Variants in ABHD12 observed in about 807,000 individuals in gnomAD.
ABHD12 encodes abhydrolase domain containing 12, lysophospholipase.
A neutral mutation model predicts 58.3 loss-of-function variants in ABHD12; 43 were observed. That is an observed-to-expected ratio of 0.74 (90% CI 0.58 to 0.95). The LOEUF (loss-of-function observed/expected upper bound fraction) is 0.95, where lower values mean the gene tolerates loss of function less well. ABHD12 is among the 40% of genes least tolerant of loss of function. The probability of loss-of-function intolerance (pLI) is 0.00; values close to 1 mark genes in which losing one functional copy is unlikely to be tolerated. For missense variants in ABHD12, 539 were observed against 537.2 expected, an observed-to-expected ratio of 1.00 and a Z score of -0.03; for synonymous variants, 219 against 211.2, an observed-to-expected ratio of 1.04 and a Z score of -0.32.
At chr20:25,326,811 A>C (rs1298527125) in intron 2 of ABHD12, among the ~76,000 whole-genome samples, 2 of 152,180 alleles carry the variant, frequency 1.3e-5, no homozygotes, top group African/African-American at 4.8e-5. Context: ...GCAGTTTGGA[A>C]GGACTAAATC....
intron 1 of ABHD12, among the ~76,000 whole-genome samples, chr20:25,362,331 G>A (rs1296227810): frequency 2.0e-5 from 3 of 151,950 alleles, no homozygotes; most frequent in Middle Eastern, 3.4e-3. Context: ...CACTTTGGGA[G>A]GCCCAGCTGG....
rs1224643399 is a variant in ABHD12 at position 25,344,662 on chromosome 20, G to A, written c.192-5311C>T. On this transcript the variant is annotated intron_variant, in intron 1 of 12. Coordinates refer to ENST00000339157, the MANE Select transcript of ABHD12 (RefSeq NM_001042472.3). ...GTTATTTCCCGGATATTGACAAACT[G>A]ATCCTAAAGTTTATATGGAAAGGCA... is the stretch of plus-strand genomic sequence containing the variant. Among the ~76,000 whole-genome samples, 6 of 152,110 alleles carry A rather than the reference G, an allele frequency of 3.9e-5. No individual in the cohort carries two copies. In the South Asian group the frequency reaches 1.2e-3, roughly 32 times the overall value.
intron 1 of ABHD12, among the ~76,000 whole-genome samples, chr20:25,369,927 TAAAAAAA>T (rs3032443): frequency 3.3e-5 from 3 of 91,440 alleles, no homozygotes; most frequent in African/African-American, 8.5e-5. Context: ...GTCTCTGTTA[TAAAAAAA>T]AAAAAAAAAA....
At chr20:25,362,927 C>T (rs982247585) in intron 1 of ABHD12, among the ~76,000 whole-genome samples, 1 of 152,018 alleles carries the variant, frequency 6.6e-6, no homozygotes, top group African/African-American at 2.4e-5. Flanking sequence ...CCCACCTCGG[C>T]CTCCCAAAGT....
intron 9 of ABHD12, 66 bp from the exon 10 acceptor site, chr20:25,306,981 G>A (rs367543451): frequency 4.1e-6 from 5 of 1,209,942 alleles, no homozygotes; most frequent in African/African-American, 1.5e-5. Context: ...GGTCAAGGGT[G>A]CAGACAGTTT....
chr20:25,339,763 C>G, intron 1 of ABHD12: 1 of 1,290,804 alleles, frequency 7.7e-7, no homozygotes, highest in Admixed American at 2.6e-5. Context: ...TGCAGGCAGG[C>G]GTAGGTTACT....
chr20:25,390,524 C>A lies in ABHD12; in HGVS notation c.180G>T (p.Arg60=), dbSNP rs1263220088. 1.4e-6 allele frequency: 2 copies of A among 1,466,478 alleles called. No individual in the cohort carries two copies. Among genetic ancestry groups the A allele is most frequent in the Non-Finnish European group, 1.8e-6 (2 of 1,115,486 alleles). 90.8% of individuals were successfully genotyped at this position (1,466,478 alleles called of 1,614,324 possible). ...PRCAADAGMK[R]ALGRRKGVWL... The stretch of plus-strand genomic sequence containing the variant: ...GCGCGAAGCCTCACCTGCCCAGCGC[C>A]CGCTTCATTCCCGCGTCGGCTGCGC... The change falls in exon 1 of 13, where the codon CGG becomes CGT. Residue 60 remains arginine, a synonymous_variant. Transcript: ENST00000339157.
In ABHD12 at chr20:25,369,041, T is replaced by A. The variant is rs189579003; in HGVS notation, c.191+21472A>T. ...GGGAGGCTGAAGTGGGAAGACCGCT[T>A]GAGCCAGGGAGATCAAGGGTAAGCC... On this transcript the variant is annotated intron_variant, in intron 1 of 12. Transcript: ENST00000339157. Among the ~76,000 whole-genome samples, 515 of 152,168 alleles carry A rather than the reference T, an allele frequency of 3.4e-3. 2 individuals carry two copies. The highest frequency in any genetic ancestry group is 4.6e-3 in the Non-Finnish European group (310 of 68,000).
intron 1 of ABHD12, among the ~76,000 whole-genome samples, chr20:25,366,002 T>C (rs985593656): frequency 6.6e-6 from 1 of 152,226 alleles, no homozygotes; most frequent in Non-Finnish European, 1.5e-5. Context: ...ATCGCACCAC[T>C]GCACTCCAGC....
intron 10 of ABHD12, among the ~76,000 whole-genome samples, chr20:25,305,764 A>G (rs2088725785): frequency 6.6e-6 from 1 of 152,268 alleles, no homozygotes; most frequent in Admixed American, 6.5e-5. Flanking sequence ...ACCCTTAACT[A>G]GAATACTTAA....
chr20:25,389,476 G>C (rs1192030999), intron 1 of ABHD12, among the ~76,000 whole-genome samples: 2 of 152,142 alleles, frequency 1.3e-5, no homozygotes, highest in Admixed American at 1.3e-4. Flanking sequence ...AAGTGCCTCT[G>C]CTACAACGCC....
chr20:25,330,552 TTAAATG>T (rs2089255197), intron 2 of ABHD12, among the ~76,000 whole-genome samples: 1 of 152,226 alleles, frequency 6.6e-6, no homozygotes. Flanking sequence ...CTCTGCAGAC[TTAAATG>T]TCCCTGTCTG....
chr20:25,386,451 C>T (rs1295908279), intron 1 of ABHD12, among the ~76,000 whole-genome samples: 2 of 151,510 alleles, frequency 1.3e-5, no homozygotes, highest in African/African-American at 2.4e-5. Context: ...TTAGTAGAGA[C>T]GGGGTTTCAC....
intron 1 of ABHD12, among the ~76,000 whole-genome samples, chr20:25,347,352 T>C (rs2089533218): frequency 6.6e-6 from 1 of 152,192 alleles, no homozygotes; most frequent in Admixed American, 6.5e-5. Context: ...CCATTATCTG[T>C]CTTTAAAACT....
intron 1 of ABHD12, among the ~76,000 whole-genome samples, chr20:25,371,502 C>T (rs2089899765): frequency 6.6e-6 from 1 of 152,166 alleles, no homozygotes; most frequent in Non-Finnish European, 1.5e-5. Flanking sequence ...TAACCCTCCC[C>T]GCTTCCTGAC....
chr20:25,322,383 T>TATA lies in ABHD12; in HGVS notation c.422+941_422+942insTAT, dbSNP rs1568727719. Among the ~76,000 whole-genome samples, 8 of 31,564 alleles carry TATA rather than the reference T, an allele frequency of 2.5e-4. 1 individual carries two copies. Among genetic ancestry groups the TATA allele is most frequent in the South Asian group, 1.6e-3 (1 of 622 alleles). 20.7% of individuals were successfully genotyped at this position (31,564 alleles called of 152,430 possible). ...AAAAGATATATATATATATATATATTTTTTTTTTTTTTTGAGACAAGAGTC... is the reference window on the plus strand; with the variant it reads ...AAAAGATATATATATATATATATATTATATTTTTTTTTTTTTGAGACAAGAGTC... On this transcript the variant is annotated intron_variant, in intron 3 of 12. Coordinates refer to ENST00000339157, the MANE Select transcript of ABHD12 (RefSeq NM_001042472.3).
At chr20:25,361,235 G>A (rs1033120450) in intron 1 of ABHD12, among the ~76,000 whole-genome samples, 3 of 152,204 alleles carry the variant, frequency 2.0e-5, no homozygotes, top group Non-Finnish European at 4.4e-5. Flanking sequence ...AGGAAGCTGA[G>A]TCTGACCAAT....
chr20:25,312,936 C>T (rs1243029341), intron 6 of ABHD12, among the ~76,000 whole-genome samples: 2 of 151,404 alleles, frequency 1.3e-5, no homozygotes, highest in Non-Finnish European at 2.9e-5. Context: ...TGAGGAGCGT[C>T]TCCACCCGCC....
At chr20:25,347,328 C>T (rs1452431014) in intron 1 of ABHD12, among the ~76,000 whole-genome samples, 3 of 152,212 alleles carry the variant, frequency 2.0e-5, no homozygotes, top group African/African-American at 7.2e-5. Context: ...ACCCTTCTCT[C>T]TCCTGGACTG....
Sources: gnomAD v4.1 joint callset for allele counts (sites outside exome capture counted in the v4.1 genomes callset) on GRCh38, gnomAD v4.1.1 for gene constraint, MANE v1.5 for transcripts, NCBI Gene and HGNC (gene_info 2026-07-23, HGNC 2026-07-21) for gene names.